CST3: variants seen among roughly 807,000 people sequenced by gnomAD.
The protein encoded by CST3 is cystatin C, also known as cystatin-C.
CST3 carries 14 observed loss-of-function variants against 9.0 expected under a neutral mutation model. The ratio of observed to expected loss-of-function variants is 1.56; its 90% CI spans 1.03 to 2.44. The LOEUF (loss-of-function observed/expected upper bound fraction) is 2.44. Ranked by LOEUF, CST3 falls within the 30% of genes most tolerant of loss-of-function variation. CST3 has a pLI of 0.00. For synonymous variants in CST3, 96 were observed against 90.2 expected (o/e 1.06, Z -0.37); for missense variants, 237 against 204.3 (o/e 1.16, Z -0.98).
chr20:23,630,348 T>A (rs2057635501), downstream of CST3, among the ~76,000 whole-genome samples: 1 of 152,172 alleles, frequency 6.6e-6, no homozygotes, highest in South Asian at 2.1e-4. Flanking sequence ...CACATCTGAC[T>A]CGACCCCATA....
At chr20:23,633,590 C>T, downstream of CST3, 1 of 506,478 alleles carries the variant, frequency 2.0e-6, no homozygotes, top group South Asian at 2.1e-5. Flanking sequence ...GACAAGGAGG[C>T]TTCATAAAGG....
intron 1 of CST3, 47 bp downstream of exon 1, chr20:23,637,573 G>A: frequency 6.9e-7 from 1 of 1,445,162 alleles, no homozygotes; most frequent in Non-Finnish European, 9.1e-7. Context: ...GGGGGAGGCT[G>A]GGACGGCGGG....
intron 2 of CST3, 48 bp downstream of exon 2, chr20:23,635,201 CACACA>C: frequency 6.9e-7 from 1 of 1,451,280 alleles, no homozygotes; most frequent in Admixed American, 1.7e-5. Flanking sequence ...CACACACACA[CACACA>C]CCCCTCTGCA....
In CST3 at chr20:23,637,875, C is replaced by T; in HGVS notation, c.-13G>A. The T allele has an allele frequency of 7.4e-7, 1 of 1,351,020 alleles. No individual in the cohort carries two copies. The highest frequency in any genetic ancestry group is 9.4e-7 in the Non-Finnish European group (1 of 1,058,390). 83.7% of individuals were successfully genotyped at this position (1,351,020 alleles called of 1,614,324 possible). ...GGGGCCCGGCCATGGTCGGCTAGGA[C>T]GCGGGACGCGGGGAGTGGGGCGCAG... On this transcript the variant is annotated 5_prime_UTR_variant, in exon 1 of 3. Coordinates refer to ENST00000376925, the MANE Select transcript of CST3 (RefSeq NM_000099.4).
chr20:23,629,738 GGGGGGA>G (rs386813374), downstream of CST3, among the ~76,000 whole-genome samples: 171 of 118,730 alleles, frequency 1.4e-3, no homozygotes, highest in African/African-American at 5.4e-3. Context: ...GACTGGTGGG[GGGGGGA>G]GGGGGTGGAA....
downstream of CST3, among the ~76,000 whole-genome samples, chr20:23,633,475 C>T (rs1193855766): frequency 6.6e-6 from 1 of 152,172 alleles, no homozygotes; most frequent in African/African-American, 2.4e-5. Flanking sequence ...CCCCTGGCTG[C>T]TCTCCCTGCT....
At chr20:23,630,772 TAA>T (rs34339274), downstream of CST3, among the ~76,000 whole-genome samples, 41 of 136,480 alleles carry the variant, frequency 3.0e-4, no homozygotes, top group Non-Finnish European at 3.2e-4. Context: ...AAGGCAGAGT[TAA>T]AAAAAAAAAA....
At chr20:23,636,978 CT>C (rs200293981) in intron 1 of CST3, among the ~76,000 whole-genome samples, 2,467 of 152,334 alleles carry the variant, frequency 0.016, 40 homozygotes, top group African/African-American at 0.039. Context: ...GAAGTGTTTA[CT>C]TTCAAAAGAT....
At chr20:23,637,238 C>A (rs1291509568) in intron 1 of CST3, among the ~76,000 whole-genome samples, 1 of 152,246 alleles carries the variant, frequency 6.6e-6, no homozygotes, top group Admixed American at 6.5e-5. Flanking sequence ...AAGGAGGCAG[C>A]CAGATGAGGG....
chr20:23,635,670 T>C (rs1325096368), intron 1 of CST3, among the ~76,000 whole-genome samples: 1 of 152,224 alleles, frequency 6.6e-6, no homozygotes, highest in Non-Finnish European at 1.5e-5. Context: ...GGTTCTCATG[T>C]GATGATGAAA....
chr20:23,630,323 T>C (rs947467020), downstream of CST3, among the ~76,000 whole-genome samples: 1 of 152,200 alleles, frequency 6.6e-6, no homozygotes, highest in Non-Finnish European at 1.5e-5. Context: ...CCAGCTGATG[T>C]CACAGTGGCC....
chr20:23,635,461 C>T (rs1726020801), intron 1 of CST3, 94 bp from the exon 2 acceptor site: 2 of 1,125,344 alleles, frequency 1.8e-6, no homozygotes, highest in Admixed American at 4.0e-5. Context: ...ACTGGGCTTG[C>T]CTGGGGCTTC....
Position 23,637,659 on chromosome 20 carries a change from G to GTACATGTCGTTGCTGGCTTTGT in CST3, c.182_203dup (p.Tyr68Ter). Reference sequence around the variant, plus strand: ...GCACCACCTGCAGCGCGCGGCTGTGGTACATGTCGTTGCTGGCTTTGTTGT... The same window carrying GTACATGTCGTTGCTGGCTTTGT: ...GCACCACCTGCAGCGCGCGGCTGTGGTACATGTCGTTGCTGGCTTTGTTACATGTCGTTGCTGGCTTTGTTGT... On this transcript the variant is annotated stop_gained and frameshift_variant, in exon 1 of 3. Transcript: ENST00000376925. LOFTEE classifies it high-confidence loss of function. The GTACATGTCGTTGCTGGCTTTGT allele has an allele frequency of 6.5e-7, 1 of 1,534,034 alleles. No individual in the cohort carries two copies. Among genetic ancestry groups the GTACATGTCGTTGCTGGCTTTGT allele is most frequent in the Non-Finnish European group, 8.8e-7 (1 of 1,141,108 alleles).
intron 1 of CST3, among the ~76,000 whole-genome samples, chr20:23,636,741 C>T (rs1171598512): frequency 6.6e-6 from 1 of 152,152 alleles, no homozygotes; most frequent in Non-Finnish European, 1.5e-5. Flanking sequence ...ATGGCACGGT[C>T]GTGGCACAGA....
chr20:23,637,532 G>C (rs1187703485), intron 1 of CST3, 88 bp downstream of exon 1: 1 of 1,271,186 alleles, frequency 7.9e-7, no homozygotes, highest in Non-Finnish European at 1.0e-6. Flanking sequence ...AGGCGCCGGA[G>C]AGGAGCAGCA....
At chr20:23,631,483 G>A (rs960012754), downstream of CST3, among the ~76,000 whole-genome samples, 7 of 152,320 alleles carry the variant, frequency 4.6e-5, no homozygotes, top group South Asian at 8.3e-4. Context: ...CCACTGTCTT[G>A]CAGCCACGCA....
chr20:23,632,564 C>A (rs1192314247), downstream of CST3, among the ~76,000 whole-genome samples: 2 of 152,204 alleles, frequency 1.3e-5, no homozygotes, highest in African/African-American at 4.8e-5. Context: ...CCCCACTCTC[C>A]CTGCCGTGTC....
At chr20:23,634,786 C>T (rs1979594187) in intron 2 of CST3, among the ~76,000 whole-genome samples, 1 of 152,134 alleles carries the variant, frequency 6.6e-6, no homozygotes, top group South Asian at 2.1e-4. Flanking sequence ...ACCCCGTCTA[C>T]ATGCACACAC....
In CST3 at chr20:23,637,824, G is replaced by A. The variant is rs2122484611; in HGVS notation, c.39C>T (p.Ala13=). 1.3e-6 allele frequency: 2 copies of A among 1,490,170 alleles called. No individual in the cohort carries two copies. The highest frequency in any genetic ancestry group is 4.8e-5 in the Admixed American group (2 of 41,730). The allele number at this position is 1,490,170 out of a possible 1,614,324, so 92.3% of individuals were successfully genotyped here. Residue 13 remains alanine (A), a synonymous_variant, in exon 1 of 3, where the codon GCC becomes GCT. Transcript: ENST00000376925. ...GPLRAPLLLL[A]ILAVALAVSP... is the part of the protein sequence containing the mutation. ...TCACGGCCAGGGCCACGGCCAGGATGGCCAGCAGGAGCAGCGGGGCGCGCA... is the reference window on the plus strand; with the variant it reads ...TCACGGCCAGGGCCACGGCCAGGATAGCCAGCAGGAGCAGCGGGGCGCGCA...
Sources: gnomAD v4.1 joint callset for allele counts (sites outside exome capture counted in the v4.1 genomes callset) on GRCh38, gnomAD v4.1.1 for gene constraint, MANE v1.5 for transcripts, NCBI Gene and HGNC (gene_info 2026-07-23, HGNC 2026-07-21) for gene names.